Variants in SDK1 observed in about 807,000 individuals in gnomAD.
SDK1 encodes the protein sidekick cell adhesion molecule 1.
A neutral mutation model predicts 245.5 loss-of-function variants in SDK1; 157 were observed. The observed-to-expected ratio is 0.64, with a 90% CI of 0.56 to 0.73. SDK1 has a LOEUF of 0.73. Among genes scored for constraint, SDK1 ranks in the 30% least tolerant of loss-of-function variants. SDK1 has a pLI of 0.00. For synonymous variants in SDK1, 1,647 were observed against 1,278.5 expected (o/e 1.29, Z -6.15); for missense variants, 3,583 against 3,002.3 (o/e 1.19, Z -4.52).
In SDK1 at chr7:3,403,844, TATATATATATATATATATATATATA is replaced by T. The variant is rs1275428253; in HGVS notation, c.298+101971_298+101995del. Among the ~76,000 whole-genome samples, 47 of 93,428 alleles carry T rather than the reference TATATATATATATATATATATATATA, an allele frequency of 5.0e-4. 1 individual carries two copies. The South Asian group carries it at 5.0e-3, about 10-fold the overall frequency. The allele number at this position is 93,428 out of a possible 152,430, so 61.3% of individuals were successfully genotyped here. A position where few individuals can be genotyped will look rare whatever the true frequency, so the allele number is the denominator to read the frequency against. The stretch of plus-strand genomic sequence containing the variant: ...TCTTACATATATATATATATATATA[TATATATATATATATATATATATATA>T]ATATATATATTTATTTATATTATAT... On this transcript the variant is annotated intron_variant, in intron 1 of 44. Transcript: ENST00000404826.
At chr7:3,659,956 T>A (rs1032225425) in intron 4 of SDK1, among the ~76,000 whole-genome samples, 15 of 152,172 alleles carry the variant, frequency 9.9e-5, no homozygotes, top group African/African-American at 3.4e-4. Context: ...ACAGAAATGA[T>A]GACAACTGGA....
intron 1 of SDK1, among the ~76,000 whole-genome samples, chr7:3,405,007 A>G (rs1461071970): frequency 2.0e-5 from 3 of 152,140 alleles, no homozygotes. Flanking sequence ...GAATTTTCAG[A>G]ACTGAACTAA....
chr7:3,567,810 T>C (rs959948755), intron 1 of SDK1, among the ~76,000 whole-genome samples: 1 of 152,202 alleles, frequency 6.6e-6, no homozygotes, highest in Non-Finnish European at 1.5e-5. Context: ...ATTTATCTTT[T>C]ATTCATTTAT....
At chr7:4,232,680 T>A (rs528278028) in intron 40 of SDK1, among the ~76,000 whole-genome samples, 111 of 151,888 alleles carry the variant, frequency 7.3e-4, no homozygotes, top group African/African-American at 2.5e-3. Context: ...CCCAGGCTGG[T>A]CTCCAGCTCT....
chr7:3,902,426 A>C (rs1371874675), intron 5 of SDK1, among the ~76,000 whole-genome samples: 1 of 152,202 alleles, frequency 6.6e-6, no homozygotes, highest in Non-Finnish European at 1.5e-5. Flanking sequence ...TGCTCACTAC[A>C]AATTCAGTAA....
intron 4 of SDK1, among the ~76,000 whole-genome samples, chr7:3,645,057 C>G (rs932552754): frequency 1.3e-5 from 2 of 152,150 alleles, no homozygotes; most frequent in Non-Finnish European, 2.9e-5. Flanking sequence ...CTGTATTAAT[C>G]TACCTGTTAA....
chr7:3,898,009 C>T (rs1236995035), intron 5 of SDK1, among the ~76,000 whole-genome samples: 1 of 151,948 alleles, frequency 6.6e-6, no homozygotes, highest in Admixed American at 6.6e-5. Flanking sequence ...GTACACTGAC[C>T]CAGGAAGCCG....
At chr7:3,662,825 T>C (rs761756685) in intron 4 of SDK1, among the ~76,000 whole-genome samples, 17 of 152,218 alleles carry the variant, frequency 1.1e-4, no homozygotes, top group Non-Finnish European at 1.6e-4. Flanking sequence ...GAAGTGCTCA[T>C]TGAAGCATTT....
At chr7:3,373,234 A>C (rs1354973767) in intron 1 of SDK1, among the ~76,000 whole-genome samples, 1 of 152,228 alleles carries the variant, frequency 6.6e-6, no homozygotes, top group East Asian at 1.9e-4. Flanking sequence ...CTAGAAGGGC[A>C]GAATCACCTA....
chr7:3,909,588 C>T (rs1269191092), intron 5 of SDK1, among the ~76,000 whole-genome samples: 1 of 152,236 alleles, frequency 6.6e-6, no homozygotes, highest in Admixed American at 6.5e-5. Flanking sequence ...ACCACACCCA[C>T]TACAGTGTTG....
intron 5 of SDK1, among the ~76,000 whole-genome samples, chr7:3,942,194 C>T (rs1780395323): frequency 6.6e-6 from 1 of 152,244 alleles, no homozygotes; most frequent in African/African-American, 2.4e-5. Flanking sequence ...GCGTGAGCCA[C>T]TGCACCCGGC....
At chr7:3,772,889 G>A (rs897566756) in intron 4 of SDK1, among the ~76,000 whole-genome samples, 2 of 152,064 alleles carry the variant, frequency 1.3e-5, no homozygotes, top group Non-Finnish European at 2.9e-5. Context: ...CAAATTTTCT[G>A]ATAACAAATC....
intron 1 of SDK1, among the ~76,000 whole-genome samples, chr7:3,581,265 C>G (rs1017475699): frequency 5.3e-5 from 8 of 151,998 alleles, no homozygotes; most frequent in East Asian, 1.9e-4. Flanking sequence ...CAAAAAAAAC[C>G]TATTAATCGA....
intron 4 of SDK1, among the ~76,000 whole-genome samples, chr7:3,684,045 G>A (rs182311812): frequency 1.3e-3 from 199 of 152,278 alleles, no homozygotes; most frequent in Non-Finnish European, 2.3e-3. Flanking sequence ...CCACTCAAGC[G>A]TTCAGGTGCT....
chr7:3,912,075 A>C (rs985274892), intron 5 of SDK1, among the ~76,000 whole-genome samples: 2 of 152,194 alleles, frequency 1.3e-5, no homozygotes, highest in African/African-American at 2.4e-5. Context: ...CGGCCAAGGA[A>C]GTCTGGGAAA....
intron 17 of SDK1, among the ~76,000 whole-genome samples, chr7:4,021,952 C>T (rs540896063): frequency 6.6e-6 from 1 of 152,310 alleles, no homozygotes; most frequent in South Asian, 2.1e-4. Context: ...TCCCACCCAT[C>T]CCCTGAGGGC....
intron 4 of SDK1, among the ~76,000 whole-genome samples, chr7:3,716,909 A>G (rs775914742): frequency 2.6e-5 from 4 of 152,230 alleles, no homozygotes; most frequent in Non-Finnish European, 4.4e-5. Context: ...AAAAGAAAGA[A>G]GAACAAATAA....
Position 4,245,754 on chromosome 7 carries a change from G to T in SDK1, c.6330G>T (p.Leu2110=), listed in dbSNP as rs377742951. Reference sequence around the variant, plus strand: ...GCAACAAGTACAACGGCGCCGTGCTGACCGAGAGCGTGAGCCTCAAGGAGA... The same window carrying T: ...GCAACAAGTACAACGGCGCCGTGCTTACCGAGAGCGTGAGCCTCAAGGAGA... ...DICNKYNGAV[L]TESVSLKEKS... The change falls in exon 44 of 45, where the codon CTG becomes CTT. Residue 2110 remains leucine, a synonymous_variant. Coordinates refer to ENST00000404826, the MANE Select transcript of SDK1 (RefSeq NM_152744.4). The T allele has an allele frequency of 2.5e-6, 4 of 1,613,884 alleles. No individual in the cohort carries two copies. The African/African-American group carries it at 5.3e-5, about 22-fold the overall frequency.
At chr7:4,162,050 A>G (rs1208237858) in intron 32 of SDK1, among the ~76,000 whole-genome samples, 194 bp downstream of exon 32, 1 of 152,124 alleles carries the variant, frequency 6.6e-6, no homozygotes, top group Non-Finnish European at 1.5e-5. Context: ...TGTAATTTCC[A>G]AAACATTAGA....
Sources: gnomAD v4.1 joint callset for allele counts (sites outside exome capture counted in the v4.1 genomes callset) on GRCh38, gnomAD v4.1.1 for gene constraint, MANE v1.5 for transcripts, NCBI Gene and HGNC (gene_info 2026-07-23, HGNC 2026-07-21) for gene names.